The following LRTM3 variants were observed in gnomAD, a reference collection of about 807,000 sequenced individuals.
LRTM3 encodes leucine rich repeat transmembrane protein 3.
chr13:102,747,775 G>T, the LRTM3 span: 1 of 1,551,108 alleles, frequency 6.4e-7, no homozygotes, highest in South Asian at 1.2e-5. Context: ...CCATCATGGG[G>T]CATGGACTAT....
chr13:102,756,673 TAAAAAAAA>T, the LRTM3 span, among the ~76,000 whole-genome samples: 4 of 67,024 alleles, frequency 6.0e-5, no homozygotes, highest in Admixed American at 2.1e-4. Context: ...AAACTCTGTC[TAAAAAAAA>T]AAAAAAAAAA....
the LRTM3 span, chr13:102,749,556 A>G: frequency 2.6e-6 from 4 of 1,551,354 alleles, no homozygotes; most frequent in Non-Finnish European, 3.5e-6. Context: ...TTTACTGAAT[A>G]TTTTGCCTCA....
At chr13:102,734,704 T>C in the LRTM3 span, 1 of 1,551,160 alleles carries the variant, frequency 6.4e-7, no homozygotes, top group African/African-American at 1.4e-5. Flanking sequence ...GCAAAATAGG[T>C]CTTTTAAGTC....
the LRTM3 span, chr13:102,758,480 T>C: frequency 4.0e-5 from 62 of 1,536,674 alleles, no homozygotes; most frequent in South Asian, 7.0e-4. Flanking sequence ...AGTCACAGTA[T>C]CAATGAGAAA....
At chr13:102,750,262 A>C in the LRTM3 span, 2 of 1,551,246 alleles carry the variant, frequency 1.3e-6, no homozygotes, top group South Asian at 2.4e-5. Context: ...GACTTACTTG[A>C]TCTTCACTTT....
At chr13:102,748,950 G>C in the LRTM3 span, 27 of 1,550,508 alleles carry the variant, frequency 1.7e-5, no homozygotes, top group South Asian at 3.2e-4. Context: ...TCTGTATCTG[G>C]TGACTTATTT....
chr13:102,757,953 G>C, the LRTM3 span, among the ~76,000 whole-genome samples: 3 of 152,170 alleles, frequency 2.0e-5, no homozygotes, highest in Non-Finnish European at 4.4e-5. Context: ...CAAGAGTTGT[G>C]ATTATGTCAG....
the LRTM3 span, chr13:102,758,818 C>G: frequency 1.9e-6 from 3 of 1,549,450 alleles, no homozygotes; most frequent in Non-Finnish European, 2.6e-6. Flanking sequence ...AAGAAAATTG[C>G]CACCCAATCA....
At chr13:102,738,719 A>T in the LRTM3 span, 9 of 1,550,672 alleles carry the variant, frequency 5.8e-6, no homozygotes, top group African/African-American at 2.7e-5. Flanking sequence ...TTTTATTCTC[A>T]TGGCTTCCTC....
the LRTM3 span, chr13:102,731,017 T>C: frequency 3.9e-6 from 6 of 1,551,524 alleles, no homozygotes; most frequent in Non-Finnish European, 2.6e-6. Context: ...CTTTCATTTG[T>C]ATCTCCAATG....
At chr13:102,742,324 C>A in the LRTM3 span, 1 of 1,549,404 alleles carries the variant, frequency 6.5e-7, no homozygotes, top group Non-Finnish European at 8.7e-7. Context: ...CATCTGCTGT[C>A]TTTGCCTTAT....
chr13:102,742,446 G>A, the LRTM3 span: 2 of 1,548,190 alleles, frequency 1.3e-6, no homozygotes, highest in Non-Finnish European at 1.7e-6. Context: ...AATGTCTTGG[G>A]ATCTGCCCTT....
At chr13:102,756,642 C>A in the LRTM3 span, among the ~76,000 whole-genome samples, 1 of 138,298 alleles carries the variant, frequency 7.2e-6, no homozygotes, top group Non-Finnish European at 1.5e-5. Context: ...CCATTGCTCT[C>A]CAGCCTGGGC....
At chr13:102,736,226 A>G in the LRTM3 span, 1 of 1,548,758 alleles carries the variant, frequency 6.5e-7, no homozygotes, top group Non-Finnish European at 8.7e-7. Context: ...AGTTTTTGTC[A>G]GAATCACATG....
chr13:102,736,081 T>C, the LRTM3 span: 1 of 1,541,842 alleles, frequency 6.5e-7, no homozygotes, highest in Non-Finnish European at 8.8e-7. Context: ...GTTGGTTTGC[T>C]TTTAGTATTA....
the LRTM3 span, chr13:102,740,454 G>A: frequency 3.9e-6 from 6 of 1,550,124 alleles, no homozygotes; most frequent in Non-Finnish European, 5.2e-6. Context: ...TGTTGCAGGA[G>A]ACAGGGATAC....
chr13:102,734,035 A>G, the LRTM3 span: 8 of 1,551,460 alleles, frequency 5.2e-6, no homozygotes, highest in Admixed American at 1.4e-4. Flanking sequence ...ACGGTATAGA[A>G]AGAAAAGTCC....
the LRTM3 span, chr13:102,746,891 GT>G: frequency 6.4e-7 from 1 of 1,551,218 alleles, no homozygotes; most frequent in Non-Finnish European, 8.7e-7. Context: ...GTCTGTTTGT[GT>G]TTTTTGAGTA....
At chr13:102,739,298 A>G in the LRTM3 span, 3 of 1,549,378 alleles carry the variant, frequency 1.9e-6, no homozygotes, top group Non-Finnish European at 2.6e-6. Context: ...TTTCACATCT[A>G]CTATATTTTC....
Sources: gnomAD v4.1 joint callset for allele counts (sites outside exome capture counted in the v4.1 genomes callset) on GRCh38, gnomAD v4.1.1 for gene constraint, MANE v1.5 for transcripts, NCBI Gene and HGNC (gene_info 2026-07-23, HGNC 2026-07-21) for gene names.